RANBP2: variants seen among roughly 807,000 people sequenced by gnomAD.
The protein encoded by RANBP2 is RAN binding protein 2.
In RANBP2, 57 loss-of-function variants were observed where a neutral mutation model predicts 303.6. The observed-to-expected ratio is 0.19, with a 90% CI of 0.15 to 0.23. The LOEUF is 0.23. Ranked by LOEUF, RANBP2 falls within the 10% of genes least tolerant of loss-of-function variation. The pLI, the probability that RANBP2 is intolerant of heterozygous loss-of-function variation, is 1.00. For missense variants in RANBP2, 3,138 were observed against 3,780.8 expected (o/e 0.83, Z 4.46); for synonymous variants, 1,167 against 1,301.5 (o/e 0.90, Z 2.23).
chr2:109,648,148 C>A, the RANBP2 span, among the ~76,000 whole-genome samples: 1 of 152,166 alleles, frequency 6.6e-6, no homozygotes, highest in Non-Finnish European at 1.5e-5. Flanking sequence ...GGGATAGTGA[C>A]CGCTTGGGTC....
chr2:108,771,898 C>T (rs907552410), intron 21 of RANBP2, 27 bp downstream of exon 21: 17 of 1,613,424 alleles, frequency 1.1e-5, no homozygotes, highest in East Asian at 4.5e-5. Flanking sequence ...TTCAAAAATC[C>T]TCTGTTCCCG....
At chr2:108,916,184 T>C in the RANBP2 span, among the ~76,000 whole-genome samples, 4 of 152,108 alleles carry the variant, frequency 2.6e-5, no homozygotes, top group Non-Finnish European at 5.9e-5. Context: ...AACAAGAGAT[T>C]GAAAAGAAGC....
chr2:109,125,242 G>T, the RANBP2 span, among the ~76,000 whole-genome samples: 21 of 152,180 alleles, frequency 1.4e-4, no homozygotes, highest in African/African-American at 5.1e-4. Flanking sequence ...AGAGTGTGGT[G>T]GGGGAGGGGC....
the RANBP2 span, among the ~76,000 whole-genome samples, chr2:108,902,901 G>C: frequency 0.013 from 2,013 of 152,242 alleles, 61 homozygotes; most frequent in South Asian, 0.086. Context: ...GGTATAGCCA[G>C]TGCAATAAAA....
At chr2:109,299,245 A>ACCT in the RANBP2 span, among the ~76,000 whole-genome samples, 2 of 151,770 alleles carry the variant, frequency 1.3e-5, no homozygotes, top group South Asian at 4.2e-4. Flanking sequence ...TCTCCAAAGG[A>ACCT]CCTCTCACTC....
the RANBP2 span, among the ~76,000 whole-genome samples, chr2:109,048,417 G>A: frequency 6.6e-6 from 1 of 152,126 alleles, no homozygotes; most frequent in Non-Finnish European, 1.5e-5. Flanking sequence ...CTGCAAACAT[G>A]TGGAGTTTTG....
At chr2:109,499,359 G>A in the RANBP2 span, among the ~76,000 whole-genome samples, 2 of 152,340 alleles carry the variant, frequency 1.3e-5, no homozygotes, top group East Asian at 3.9e-4. Flanking sequence ...TTTAGGCAGA[G>A]AGAATAGCTG....
chr2:109,460,861 C>A, the RANBP2 span, among the ~76,000 whole-genome samples: 15 of 152,358 alleles, frequency 9.8e-5, 1 homozygote, highest in Admixed American at 7.8e-4. Flanking sequence ...CCTCAAAGTT[C>A]TGCCCACTGA....
the RANBP2 span, among the ~76,000 whole-genome samples, chr2:109,248,723 C>T: frequency 1.3e-5 from 2 of 152,008 alleles, no homozygotes; most frequent in Non-Finnish European, 2.9e-5. Flanking sequence ...TTGCCTCCTT[C>T]TTTTCTTTCT....
chr2:109,416,565 A>G, the RANBP2 span, among the ~76,000 whole-genome samples: 1 of 151,832 alleles, frequency 6.6e-6, no homozygotes, highest in South Asian at 2.1e-4. Context: ...TTGTATTTTT[A>G]GTAGAGACGG....
the RANBP2 span, among the ~76,000 whole-genome samples, chr2:108,976,867 C>A: frequency 4.6e-5 from 7 of 152,118 alleles, no homozygotes; most frequent in African/African-American, 1.7e-4. Context: ...GCTCCAGGCT[C>A]CTCTTGTATT....
chr2:108,765,418 A>G lies in RANBP2; in HGVS notation c.4879A>G (p.Ile1627Val), dbSNP rs377125011. Residue 1627 changes from isoleucine (I) to valine (V), a missense_variant, in exon 20 of 29, where the codon ATT (isoleucine) becomes GTT (valine). Transcript: ENST00000283195. ...VRNEASATKC[I>V]ACQNPGKQNQ... ...AAATGAAGCCAGTGCTACCAAATGT[A>G]TTGCTTGTCAGAATCCAGGTAAACA... 2.1e-6 allele frequency: 3 copies of G among 1,459,866 alleles called. No homozygotes were observed. Among genetic ancestry groups the G allele is most frequent in the Non-Finnish European group, 2.8e-6 (3 of 1,067,100 alleles). The allele number at this position is 1,459,866 out of a possible 1,614,324, so 90.4% of individuals were successfully genotyped here. A position where few individuals can be genotyped will look rare whatever the true frequency, so the allele number is the denominator to read the frequency against.
the RANBP2 span, among the ~76,000 whole-genome samples, chr2:109,619,424 G>A: frequency 1.3e-5 from 2 of 152,142 alleles, no homozygotes; most frequent in Non-Finnish European, 2.9e-5. Context: ...TAGGAATACC[G>A]TTTTTCATTT....
chr2:109,659,727 G>GGGGGCCGC, the RANBP2 span, among the ~76,000 whole-genome samples: 1 of 152,234 alleles, frequency 6.6e-6, no homozygotes, highest in Non-Finnish European at 1.5e-5. Context: ...TGGACTCTGA[G>GGGGGCCGC]GGGGCCGCGG....
the RANBP2 span, among the ~76,000 whole-genome samples, chr2:109,302,508 A>C: frequency 9.9e-5 from 15 of 152,234 alleles, no homozygotes. Flanking sequence ...CTCTGCCTGC[A>C]CCGAAGATGC....
chr2:109,338,093 AAC>A, the RANBP2 span, among the ~76,000 whole-genome samples: 2 of 152,058 alleles, frequency 1.3e-5, no homozygotes, highest in African/African-American at 2.4e-5. Context: ...AACTTTAGTA[AAC>A]ACGCTGTGTG....
At chr2:109,545,080 C>G in the RANBP2 span, 1 of 985,274 alleles carries the variant, frequency 1.0e-6, no homozygotes, top group East Asian at 1.1e-4. Context: ...TTGCAATATT[C>G]TGAAAATGGG....
chr2:109,160,476 G>A, the RANBP2 span, among the ~76,000 whole-genome samples: 30 of 152,358 alleles, frequency 2.0e-4, no homozygotes, highest in South Asian at 4.1e-4. Context: ...CCAAGAGGAC[G>A]CAGCTGAAAG....
chr2:109,387,912 T>C, the RANBP2 span, among the ~76,000 whole-genome samples: 7 of 151,858 alleles, frequency 4.6e-5, no homozygotes, highest in African/African-American at 1.7e-4. Flanking sequence ...CCTTCCTGAC[T>C]CGTTCCACTG....
Sources: allele counts gnomAD v4.1 joint callset (sites outside exome capture counted in the v4.1 genomes callset), GRCh38; gene constraint gnomAD v4.1.1; transcripts MANE v1.5; gene names NCBI Gene and HGNC (gene_info 2026-07-23, HGNC 2026-07-21).